NBDY: variants seen among roughly 807,000 people sequenced by gnomAD.
NBDY encodes the protein P-body dissociating protein.
chrX:56,815,738 A>G (rs990373196), intron 2 of NBDY, among the ~76,000 whole-genome samples: 10 of 112,160 alleles, frequency 8.9e-5, no homozygotes, highest in Middle Eastern at 9.2e-3. Context: ...TTACTATGAG[A>G]TATTATTAAA....
At chrX:56,801,402 T>C (rs1351080902) in intron 2 of NBDY, among the ~76,000 whole-genome samples, 3 of 110,523 alleles carry the variant, frequency 2.7e-5, no homozygotes, top group Non-Finnish European at 5.7e-5. Flanking sequence ...CTTTTTCCTT[T>C]CACTTTTGGC....
intron 2 of NBDY, among the ~76,000 whole-genome samples, chrX:56,745,761 G>A (rs1289584104): frequency 9.2e-6 from 1 of 108,711 alleles, no homozygotes; most frequent in Non-Finnish European, 1.9e-5. Context: ...TTTTTGTGAC[G>A]TTGCCATTTT....
intron 2 of NBDY, among the ~76,000 whole-genome samples, chrX:56,735,847 C>G (rs2069486319): frequency 9.1e-6 from 1 of 109,740 alleles, no homozygotes; most frequent in Non-Finnish European, 1.9e-5. Context: ...CACAATGTGA[C>G]CTGAGCAAAA....
Position 56,817,970 on chromosome X carries a change from T to C in NBDY, c.*817T>C, listed in dbSNP as rs2069918275. 1 of 111,470 alleles carries C rather than the reference T, an allele frequency of 9.0e-6. No homozygotes were observed. Among genetic ancestry groups the C allele is most frequent in the Non-Finnish European group, 1.9e-5 (1 of 53,042 alleles). 9.2% of individuals were successfully genotyped at this position (111,470 alleles called of 1,213,427 possible). ...GTATTGAACAAATAGAATATCCTAA[T>C]TAAAAACAGTAATAAATATTATGGT... On this transcript the variant is annotated 3_prime_UTR_variant, in exon 3 of 3. Transcript: ENST00000374922.
At chrX:56,797,043 A>G (rs1250559352) in intron 2 of NBDY, among the ~76,000 whole-genome samples, 2 of 106,979 alleles carry the variant, frequency 1.9e-5, no homozygotes, top group Non-Finnish European at 3.9e-5. Context: ...CCTCTTCTTT[A>G]TTGTTCTTTT....
chrX:56,755,556 G>A (rs1417069549), intron 2 of NBDY, among the ~76,000 whole-genome samples: 2 of 112,068 alleles, frequency 1.8e-5, no homozygotes. Flanking sequence ...ATCATCACTG[G>A]CCATCAGAGA....
At chrX:56,750,591 T>C (rs2069579846) in intron 2 of NBDY, among the ~76,000 whole-genome samples, 1 of 111,535 alleles carries the variant, frequency 9.0e-6, no homozygotes, top group Non-Finnish European at 1.9e-5. Context: ...TTAGACTGAA[T>C]GTTACCAAAA....
At chrX:56,755,445 GA>G (rs1191542925) in intron 2 of NBDY, among the ~76,000 whole-genome samples, 1 of 109,271 alleles carries the variant, frequency 9.2e-6, no homozygotes, top group Non-Finnish European at 1.9e-5. Flanking sequence ...AATTTACAAG[GA>G]AAAAACAAAC....
chrX:56,784,385 C>T (rs2069714996), intron 2 of NBDY, among the ~76,000 whole-genome samples: 1 of 111,778 alleles, frequency 8.9e-6, no homozygotes, highest in Admixed American at 9.4e-5. Context: ...CTCCCTCTCT[C>T]TCTCTGGAGC....
In NBDY at chrX:56,818,330, C is replaced by A. The variant is rs1328999971; in HGVS notation, c.*1177C>A. The stretch of plus-strand genomic sequence containing the variant: ...TGAAACCTGAGTATTTTACCCAATC[C>A]TCTGAAATTAGTCCCTAGCATCAGA... On this transcript the variant is annotated 3_prime_UTR_variant, in exon 3 of 3. Coordinates refer to ENST00000374922, the MANE Select transcript of NBDY (RefSeq NM_001348129.2). 9.0e-6 allele frequency: 1 copy of A among 111,587 alleles called. No individual in the cohort carries two copies. Among genetic ancestry groups the A allele is most frequent in the Non-Finnish European group, 1.9e-5 (1 of 53,036 alleles). The allele number at this position is 111,587 out of a possible 1,213,427, so 9.2% of individuals were successfully genotyped here. A position where few individuals can be genotyped will look rare whatever the true frequency, so the allele number is the denominator to read the frequency against.
chrX:56,791,740 T>C (rs1371940345), intron 2 of NBDY, among the ~76,000 whole-genome samples: 1 of 111,513 alleles, frequency 9.0e-6, no homozygotes, highest in Non-Finnish European at 1.9e-5. Context: ...TCTGTTCTTG[T>C]TCTCCTTCTG....
Position 56,785,297 on chromosome X carries a change from G to A in NBDY, c.*167-32023G>A, listed in dbSNP as rs746628458. 2.6e-4 allele frequency among the ~76,000 whole-genome samples: 29 copies of A among 111,511 alleles called. No individual in the cohort carries two copies. In the East Asian group the frequency reaches 8.3e-3, roughly 32 times the overall value. On this transcript the variant is annotated intron_variant, in intron 2 of 2. Coordinates refer to ENST00000374922, the MANE Select transcript of NBDY (RefSeq NM_001348129.2). ...ACAAAGGGAGAAGAAAAGAATGCAG[G>A]AAGATTTGGACTGTGTCTTTGGGGT...
At chrX:56,732,418 G>T (rs973519825) in intron 2 of NBDY, among the ~76,000 whole-genome samples, 6 of 111,648 alleles carry the variant, frequency 5.4e-5, no homozygotes, top group Admixed American at 1.9e-4. Flanking sequence ...TTATTACTGT[G>T]AAATATATCA....
At chrX:56,793,033 C>T (rs188794483) in intron 2 of NBDY, among the ~76,000 whole-genome samples, 333 of 111,704 alleles carry the variant, frequency 3.0e-3, no homozygotes, top group African/African-American at 9.9e-3. Flanking sequence ...CCTCCCACCC[C>T]GCCTGTGTAA....
intron 2 of NBDY, among the ~76,000 whole-genome samples, chrX:56,805,606 G>C (rs1021498681): frequency 1.8e-5 from 2 of 111,888 alleles, no homozygotes; most frequent in African/African-American, 6.5e-5. Context: ...GTGGGGACCA[G>C]GGCAGCCTCC....
chrX:56,768,093 C>T (rs1197414999), intron 2 of NBDY, among the ~76,000 whole-genome samples: 1 of 3,902 alleles, frequency 2.6e-4, no homozygotes, highest in African/African-American at 1.1e-3. Context: ...TTTTATTTCC[C>T]GGCAAGATAG....
chrX:56,763,072 C>G (rs1051416992), intron 2 of NBDY, among the ~76,000 whole-genome samples: 4 of 112,673 alleles, frequency 3.6e-5, no homozygotes, highest in Non-Finnish European at 5.6e-5. Context: ...GACTCCAGGC[C>G]TGGGCCATCA....
intron 2 of NBDY, among the ~76,000 whole-genome samples, chrX:56,800,108 T>C (rs753139387): frequency 1.4e-3 from 159 of 111,386 alleles, no homozygotes; most frequent in African/African-American, 4.9e-3. Context: ...AGGGAAAACA[T>C]AGGAAGAAAA....
At chrX:56,793,677 C>T (rs756661823) in intron 2 of NBDY, among the ~76,000 whole-genome samples, 17 of 110,804 alleles carry the variant, frequency 1.5e-4, no homozygotes, top group Non-Finnish European at 2.5e-4. Context: ...GAGATGGTGG[C>T]GTGTGGCCCC....
Sources: allele counts gnomAD v4.1 joint callset (sites outside exome capture counted in the v4.1 genomes callset), GRCh38; gene constraint gnomAD v4.1.1; transcripts MANE v1.5; gene names NCBI Gene and HGNC (gene_info 2026-07-23, HGNC 2026-07-21).